CTNNA3: variants seen among roughly 807,000 people sequenced by gnomAD.
The protein encoded by CTNNA3 is catenin alpha 3.
In CTNNA3, 76 loss-of-function variants were observed where a neutral mutation model predicts 95.7. The observed-to-expected ratio is 0.79, with a 90% CI of 0.66 to 0.96. The LOEUF (loss-of-function observed/expected upper bound fraction) is 0.96. CTNNA3 is among the 40% of genes least tolerant of loss of function. CTNNA3 has a pLI of 0.00. For missense variants in CTNNA3, 1,191 were observed against 1,089.8 expected, an observed-to-expected ratio of 1.09 and a Z score of -1.31; for synonymous variants, 431 against 374.4, an observed-to-expected ratio of 1.15 and a Z score of -1.74.
intron 1 of CTNNA3, among the ~76,000 whole-genome samples, chr10:67,726,433 A>T (rs1469868236): frequency 2.7e-3 from 3 of 1,100 alleles, no homozygotes; most frequent in Admixed American, 0.028. Context: ...ATATTATATC[A>T]TATATAATAT....
rs144797882 is a variant in CTNNA3 at position 67,656,900 on chromosome 10, T to C, written c.-5-9382A>G. 4.3e-3 allele frequency among the ~76,000 whole-genome samples: 654 copies of C among 152,194 alleles called. 1 individual carries two copies. Among genetic ancestry groups the C allele is most frequent in the Non-Finnish European group, 6.0e-3 (408 of 68,010 alleles). On this transcript the variant is annotated intron_variant, in intron 1 of 17. Coordinates refer to ENST00000433211, the MANE Select transcript of CTNNA3 (RefSeq NM_013266.4). ...AGATCATAAGAACTATTGCAGATGTTTGAGCACTAAAACATCAACTGTTTT... is the reference window on the plus strand; with the variant it reads ...AGATCATAAGAACTATTGCAGATGTCTGAGCACTAAAACATCAACTGTTTT...
intron 12 of CTNNA3, among the ~76,000 whole-genome samples, chr10:66,310,052 AG>A (rs2091996286): frequency 6.6e-6 from 1 of 151,644 alleles, no homozygotes; most frequent in African/African-American, 2.4e-5. Flanking sequence ...TGAACCTGGG[AG>A]GTTGCAGTGA....
intron 13 of CTNNA3, among the ~76,000 whole-genome samples, chr10:66,249,278 C>G (rs1261133167): frequency 6.6e-6 from 1 of 152,050 alleles, no homozygotes; most frequent in Non-Finnish European, 1.5e-5. Context: ...CAAATGAGAT[C>G]AGATCAAGTT....
rs1031287378 is a variant in CTNNA3 at position 66,542,850 on chromosome 10, C to T, written c.1375-22077G>A. On this transcript the variant is annotated intron_variant, in intron 10 of 17. Coordinates refer to ENST00000433211, the MANE Select transcript of CTNNA3 (RefSeq NM_013266.4). Reference sequence around the variant, plus strand: ...CATGTATACATATGTAACAAGCCTGCACGTTGTGCACATGTACCCTAGAAC... The same window carrying T: ...CATGTATACATATGTAACAAGCCTGTACGTTGTGCACATGTACCCTAGAAC... 5.3e-5 allele frequency among the ~76,000 whole-genome samples: 8 copies of T among 151,830 alleles called. No individual in the cohort carries two copies. The South Asian group carries it at 1.7e-3, about 32-fold the overall frequency.
rs1250890185 is a variant in CTNNA3 at position 65,916,095 on chromosome 10, TATC to T, written c.*4232_*4234del. The T allele has an allele frequency of 1.3e-5, 2 of 152,054 alleles. No individual in the cohort carries two copies. Among genetic ancestry groups the T allele is most frequent in the African/African-American group, 4.8e-5 (2 of 41,416 alleles). 9.4% of individuals were successfully genotyped at this position (152,054 alleles called of 1,614,324 possible). ...AAATGGAAAATACTAATGCTGAACATATCATAATGGTATGGGAAAAGAGTCATA... is the reference window on the plus strand; with the variant it reads ...AAATGGAAAATACTAATGCTGAACATATAATGGTATGGGAAAAGAGTCATA... On this transcript the variant is annotated 3_prime_UTR_variant, in exon 18 of 18. Coordinates refer to ENST00000433211, the MANE Select transcript of CTNNA3 (RefSeq NM_013266.4).
chr10:67,635,751 G>A (rs1220630913), intron 2 of CTNNA3, among the ~76,000 whole-genome samples: 2 of 151,824 alleles, frequency 1.3e-5, no homozygotes, highest in African/African-American at 2.4e-5. Context: ...CCTTGAAAAC[G>A]CACAAGACAA....
At position 67,296,859 on chromosome 10, in the gene CTNNA3, G is replaced by A. The variant is rs532661338; in HGVS notation, c.580-76989C>T. On this transcript the variant is annotated intron_variant, in intron 5 of 17. Transcript: ENST00000433211. ...TGAGGCAGGAGAATCGCTTCAACCC[G>A]GGAGGCAGAGGTTGCAGTGAGCCAA... Among the ~76,000 whole-genome samples, 23 of 149,126 alleles carry A rather than the reference G, an allele frequency of 1.5e-4. No individual in the cohort carries two copies. The East Asian group carries it at 2.2e-3, about 14-fold the overall frequency.
At chr10:67,205,880 G>A (rs899900795) in intron 6 of CTNNA3, among the ~76,000 whole-genome samples, 3 of 152,172 alleles carry the variant, frequency 2.0e-5, no homozygotes, top group African/African-American at 7.2e-5. Flanking sequence ...TGAAACGTAT[G>A]TAAATCTTCT....
At chr10:67,437,085 A>G (rs751236004) in intron 5 of CTNNA3, among the ~76,000 whole-genome samples, 2 of 152,232 alleles carry the variant, frequency 1.3e-5, no homozygotes, top group African/African-American at 4.8e-5. Context: ...ATGCCCATCA[A>G]TCAATGAGTG....
chr10:65,924,525 T>C (rs1218148218), intron 17 of CTNNA3, among the ~76,000 whole-genome samples: 1 of 152,184 alleles, frequency 6.6e-6, no homozygotes. Context: ...TATTTCCACG[T>C]ACCTATAATT....
chr10:66,123,525 C>A (rs1401016204), intron 13 of CTNNA3, among the ~76,000 whole-genome samples: 1 of 152,044 alleles, frequency 6.6e-6, no homozygotes, highest in African/African-American at 2.4e-5. Context: ...AGGATGGTGG[C>A]CCTCTTCTCA....
At chr10:66,994,747 T>G (rs897624217) in intron 7 of CTNNA3, among the ~76,000 whole-genome samples, 2 of 152,250 alleles carry the variant, frequency 1.3e-5, no homozygotes, top group African/African-American at 4.8e-5. Context: ...TTCAATACTA[T>G]TTATAGAATA....
At chr10:67,018,568 C>T (rs1217034203) in intron 7 of CTNNA3, among the ~76,000 whole-genome samples, 1 of 152,184 alleles carries the variant, frequency 6.6e-6, no homozygotes, top group Middle Eastern at 3.2e-3. Flanking sequence ...CAGTAATAGA[C>T]AGACCTGCTA....
chr10:67,614,238 TC>T (rs1052084473), intron 2 of CTNNA3, among the ~76,000 whole-genome samples: 1 of 152,106 alleles, frequency 6.6e-6, no homozygotes, highest in African/African-American at 2.4e-5. Context: ...CATTTTACAA[TC>T]CCTTCGTAAG....
At position 67,186,187 on chromosome 10, in the gene CTNNA3, T is replaced by A. The variant is rs188611670; in HGVS notation, c.844-5667A>T. On this transcript the variant is annotated intron_variant, in intron 6 of 17. Coordinates refer to ENST00000433211, the MANE Select transcript of CTNNA3 (RefSeq NM_013266.4). ...AGAAACAGTGAATATGTCTCCAGCA[T>A]TGTGACAATAGGAAAAAACTGATTA... Among the ~76,000 whole-genome samples, 4 of 152,298 alleles carry A rather than the reference T, an allele frequency of 2.6e-5. No homozygotes were observed. In the East Asian group the frequency reaches 7.7e-4, roughly 29 times the overall value.
intron 10 of CTNNA3, among the ~76,000 whole-genome samples, chr10:66,573,964 C>T (rs1229893712): frequency 6.6e-6 from 1 of 152,000 alleles, no homozygotes; most frequent in Non-Finnish European, 1.5e-5. Context: ...ACACCTAAAA[C>T]ACAATTGAAA....
chr10:66,092,147 TTTAG>T (rs1451275345), intron 14 of CTNNA3, among the ~76,000 whole-genome samples: 2 of 151,836 alleles, frequency 1.3e-5, no homozygotes, highest in African/African-American at 2.4e-5. Flanking sequence ...TTTTAGCAAA[TTTAG>T]TTAGTTTTAC....
intron 11 of CTNNA3, among the ~76,000 whole-genome samples, chr10:66,425,580 C>T (rs546714822): frequency 5.3e-5 from 8 of 151,884 alleles, no homozygotes; most frequent in Non-Finnish European, 1.2e-4. Flanking sequence ...ACTAATGGAA[C>T]CTTCCTCTTC....
intron 3 of CTNNA3, among the ~76,000 whole-genome samples, chr10:67,582,841 T>TTTCA (rs1842457939): frequency 6.6e-6 from 1 of 152,110 alleles, no homozygotes; most frequent in Admixed American, 6.6e-5. Context: ...TTTGATCTTT[T>TTTCA]TTCATTTAAA....
Sources: allele counts gnomAD v4.1 joint callset (sites outside exome capture counted in the v4.1 genomes callset), GRCh38; gene constraint gnomAD v4.1.1; transcripts MANE v1.5; gene names NCBI Gene and HGNC (gene_info 2026-07-23, HGNC 2026-07-21).